Variants in MYH7 observed in about 807,000 individuals in gnomAD.
MYH7 encodes myosin-7.
A neutral mutation model predicts 225.4 loss-of-function variants in MYH7; 129 were observed. That is an observed-to-expected ratio of 0.57 (90% CI 0.50 to 0.66). The LOEUF is 0.66. MYH7 is among the 30% of genes least tolerant of loss of function. The probability of loss-of-function intolerance (pLI) is 0.00; values close to 1 mark genes in which losing one functional copy is unlikely to be tolerated. For missense variants in MYH7, 1,649 were observed against 2,517.0 expected, an observed-to-expected ratio of 0.66 and a Z score of 7.38; for synonymous variants, 971 against 1,007.6, an observed-to-expected ratio of 0.96 and a Z score of 0.69.
intron 15 of MYH7, 105 bp downstream of exon 15, chr14:23,428,395 C>T (rs1259401589): frequency 2.0e-5 from 31 of 1,557,824 alleles, no homozygotes; most frequent in Admixed American, 1.9e-4. Context: ...TCCTTCAGCC[C>T]CTTCTATTTT....
At chr14:23,413,709 G>A in intron 39 of MYH7, 50 bp downstream of exon 39, 1 of 1,611,946 alleles carries the variant, frequency 6.2e-7, no homozygotes, top group Non-Finnish European at 8.5e-7. Context: ...TGCTCTGTCT[G>A]GGTATGCCTG....
rs727503278 is a variant in MYH7, at chr14:23,432,714, G to T, written c.427C>A (p.Arg143=). ...GGGGCCTCGCTCCTCTTCTTGCCCC[G>T]GTAGGCAGCCACCACCTCAGGAGTG... The part of the protein sequence containing the change: ...VYTPEVVAAY[R]GKKRSEAPPH... Residue 143 remains arginine, a synonymous_variant, in exon 5 of 40, where the codon CGG becomes AGG. Coordinates refer to ENST00000355349, the MANE Select transcript of MYH7 (RefSeq NM_000257.4). 1 of 1,614,036 alleles carries T rather than the reference G, an allele frequency of 6.2e-7. No homozygotes were observed. Among genetic ancestry groups the T allele is most frequent in the African/African-American group, 1.3e-5 (1 of 74,898 alleles).
In MYH7 at chr14:23,430,884, C is replaced by T. The variant is rs45580436; in HGVS notation, c.895+17G>A. Reference sequence around the variant, plus strand: ...TGCCATGGAGATAGTTGGTCTCAGTCGGTGGCTCTGACTCACCCAGCAGCT... The same window carrying T: ...TGCCATGGAGATAGTTGGTCTCAGTTGGTGGCTCTGACTCACCCAGCAGCT... On this transcript the variant is annotated intron_variant, in intron 10 of 39. Transcript: ENST00000355349. The T allele has an allele frequency of 0.014, 22,262 of 1,586,142 alleles. 515 individuals carry two copies. The highest frequency in any genetic ancestry group is 0.083 in the East Asian group (3,704 of 44,714).
chr14:23,413,760 T>C lies in MYH7; in HGVS notation c.5789A>G (p.Lys1930Arg), dbSNP rs1892065412. ...GCAAAGCCCAAAAGAGGGACCCACCTTCGTGCCAATGTCACGGCTCTTGGC... is the reference window on the plus strand; with the variant it reads ...GCAAAGCCCAAAAGAGGGACCCACCCTCGTGCCAATGTCACGGCTCTTGGC... ...LRAKSRDIGT[K>R]GLNEE The change falls in exon 39 of 40, where the codon AAG (lysine) becomes AGG (arginine). Residue 1930 changes from lysine to arginine, a missense_variant and splice_region_variant. Transcript: ENST00000355349. 6.2e-7 allele frequency: 1 copy of C among 1,614,000 alleles called. No homozygotes were observed. Among genetic ancestry groups the C allele is most frequent in the Non-Finnish European group, 8.5e-7 (1 of 1,180,026 alleles).
rs761162402 is a variant in MYH7 at position 23,415,025 on chromosome 14, G to A, written c.5529C>T (p.Ser1843=). The A allele has an allele frequency of 5.0e-6, 8 of 1,610,550 alleles. No homozygotes were observed. In the Admixed American group the frequency reaches 8.3e-5, roughly 17 times the overall value. ...NAESVKGMRK[S]ERRIKELTYQ... is the part of the protein sequence containing the mutation. ...AGGTGAGCTCCTTGATGCGCCGCTC[G>A]CTCTTCCTCATGCCCTTCACCGACT... Residue 1843 remains serine (S), a synonymous_variant, in exon 37 of 40, where the codon AGC becomes AGT. Coordinates refer to ENST00000355349, the MANE Select transcript of MYH7 (RefSeq NM_000257.4). This position sits in a 1 kb window ranked among gnomAD's most constrained non-coding sequence, Gnocchi z 6.3.
rs898225933 is a variant in MYH7 at position 23,422,155 on chromosome 14, G to A, written c.3245+25C>T. On this transcript the variant is annotated intron_variant, in intron 25 of 39. Coordinates refer to ENST00000355349, the MANE Select transcript of MYH7 (RefSeq NM_000257.4). ...ACTGTTATGGGCTGGGGAGGAGGAA[G>A]GGCAGCAGGGAGGGGACACAGTACT... 1.9e-6 allele frequency: 3 copies of A among 1,611,678 alleles called. No homozygotes were observed. The Admixed American group carries it at 5.0e-5, about 27-fold the overall frequency.
chr14:23,417,016 G>A (rs373325593), intron 32 of MYH7, 24 bp from the exon 33 acceptor site: 40 of 1,614,060 alleles, frequency 2.5e-5, no homozygotes, highest in Middle Eastern at 1.6e-4. Context: ...ACGGTAACTC[G>A]GTTGAGGGCT....
chr14:23,416,119 C>G lies in MYH7; in HGVS notation c.4838G>C (p.Arg1613Thr). 1.2e-6 allele frequency: 2 copies of G among 1,614,236 alleles called. No homozygotes were observed. Among genetic ancestry groups the G allele is most frequent in the South Asian group, 1.1e-5 (1 of 91,088 alleles). The part of the protein sequence containing the change: ...AETRSRNEAL[R>T]VKKKMEGDLN... Reference sequence around the variant, plus strand: ...GTCTCCTTCCATCTTCTTCTTCACCCTCAGGGCCTCGTTGCGGCTGCGTGT... The same window carrying G: ...GTCTCCTTCCATCTTCTTCTTCACCGTCAGGGCCTCGTTGCGGCTGCGTGT... Residue 1613 changes from arginine to threonine, a missense_variant, in exon 34 of 40, where the codon AGG (arginine) becomes ACG (threonine). Transcript: ENST00000355349.
Position 23,425,501 on chromosome 14 carries a change from A to C in MYH7, c.2287-83T>G. On this transcript the variant is annotated intron_variant, in intron 20 of 39. Transcript: ENST00000355349. The surrounding 1 kb of genome is among the most constrained non-coding windows in gnomAD (Gnocchi z 4.6). ...TGGGGATTACCTTAGGAAGGGTAAC[A>C]GCCTAGAAAAGGATTGCAGGGAGGA... 1 of 1,605,662 alleles carries C rather than the reference A, an allele frequency of 6.2e-7. No homozygotes were observed. The highest frequency in any genetic ancestry group is 2.2e-5 in the East Asian group (1 of 44,770).
intron 30 of MYH7, 127 bp downstream of exon 30, chr14:23,418,083 G>A (rs754172412): frequency 2.9e-6 from 4 of 1,394,010 alleles, no homozygotes; most frequent in Non-Finnish European, 3.1e-6. Flanking sequence ...TGGGGCCGGG[G>A]CAGAGTCCTC....
At position 23,415,988 on chromosome 14, in the gene MYH7, C is replaced by G. The variant is rs2138641398; in HGVS notation, c.4953+16G>C. 6.2e-7 allele frequency: 1 copy of G among 1,614,106 alleles called. No individual in the cohort carries two copies. The highest frequency in any genetic ancestry group is 1.1e-5 in the South Asian group (1 of 91,084). On this transcript the variant is annotated intron_variant, in intron 34 of 39. Transcript: ENST00000355349. This position sits in a 1 kb window ranked among gnomAD's most constrained non-coding sequence, Gnocchi z 6.3. The stretch of plus-strand genomic sequence containing the variant: ...TCGCCAGGCCACGTGGAGGCCAGTC[C>G]CCTCTGGGTGAGTACCTTCAACAAG...
rs183245129 is a variant in MYH7 at position 23,433,757 on chromosome 14, C to G, written c.-8-17G>C. On this transcript the variant is annotated splice_polypyrimidine_tract_variant and intron_variant, in intron 2 of 39. Transcript: ENST00000355349. This position sits in a 1 kb window ranked among gnomAD's most constrained non-coding sequence, Gnocchi z 4.1. ...TGGCTGTGCCTGGAGTGAGCAGAAG[C>G]TGGCTGCCCTCCCATCTGCCCATTC... is the stretch of plus-strand genomic sequence containing the variant. 6.2e-7 allele frequency: 1 copy of G among 1,612,422 alleles called. No individual in the cohort carries two copies. Among genetic ancestry groups the G allele is most frequent in the Non-Finnish European group, 8.5e-7 (1 of 1,179,544 alleles).
Position 23,418,277 on chromosome 14 carries a change from C to T in MYH7, c.4102G>A (p.Val1368Met), listed in dbSNP as rs771892152. 3.7e-6 allele frequency: 6 copies of T among 1,613,676 alleles called. No homozygotes were observed. The South Asian group carries it at 5.5e-5, about 15-fold the overall frequency. The change falls in exon 30 of 40, where the codon GTG (valine) becomes ATG (methionine). Residue 1368 changes from valine to methionine, a missense_variant. Transcript: ENST00000355349. ...QRVLSKANSE[V>M]AQWRTKYETD... ...TCATACTTGGTCCTCCACTGGGCCA[C>T]CTCCGAGTTGGCCTTGGAAAGGACG...
At chr14:23,422,717 G>A (rs1357063708) in intron 24 of MYH7, among the ~76,000 whole-genome samples, 6 of 136,066 alleles carry the variant, frequency 4.4e-5, no homozygotes, top group Admixed American at 8.0e-5. Context: ...TGCAACCTCC[G>A]CCTCCCTGGT....
chr14:23,418,464 C>A (rs1482575168), intron 29 of MYH7, 58 bp from the exon 30 acceptor site: 4 of 1,528,232 alleles, frequency 2.6e-6, no homozygotes, highest in Non-Finnish European at 3.5e-6. Flanking sequence ...GCAACCCCAC[C>A]CTTGCCCTTC....
chr14:23,430,193 TTGCTTCC>T (rs1270306373), intron 11 of MYH7, among the ~76,000 whole-genome samples: 1 of 152,182 alleles, frequency 6.6e-6, no homozygotes, highest in Non-Finnish European at 1.5e-5. Context: ...GGCCCTACAC[TTGCTTCC>T]TGCCTGGCCT....
At chr14:23,421,624 A>G in intron 25 of MYH7, 1 of 448,450 alleles carries the variant, frequency 2.2e-6, no homozygotes, top group Non-Finnish European at 2.9e-6. Flanking sequence ...AGCCTGAAAC[A>G]CCATAAGACC....
Position 23,420,214 on chromosome 14 carries a change from C to G in MYH7, c.3357G>C (p.Glu1119Asp), listed in dbSNP as rs2138654648. 6.2e-7 allele frequency: 1 copy of G among 1,609,102 alleles called. No individual in the cohort carries two copies. Among genetic ancestry groups the G allele is most frequent in the Non-Finnish European group, 8.5e-7 (1 of 1,178,722 alleles). ...CGGTGCGCTCGGCCTCCAGCTCCTC[C>G]TCCAGCTCCTCGATGCGTGCCTGGT... Reference protein sequence around the residue: ...KELQARIEELEEELEAERTAR... With the variant: ...KELQARIEELDEELEAERTAR... Residue 1119 changes from glutamate to aspartate, a missense_variant, in exon 27 of 40, where the codon GAG becomes GAC. Physicochemically the swap from Glu to Asp is conservative, Grantham distance 45 (BLOSUM62 2). Around this residue, in one of 12 missense-constraint regions of MYH7, gnomAD observed 106 missense variants for 198.8 expected, o/e 0.53. Coordinates refer to ENST00000355349, the MANE Select transcript of MYH7 (RefSeq NM_000257.4).
At chr14:23,423,221 T>C (rs763916866) in intron 24 of MYH7, among the ~76,000 whole-genome samples, 2 of 152,150 alleles carry the variant, frequency 1.3e-5, no homozygotes, top group Admixed American at 6.5e-5. Context: ...TCTTATGAGA[T>C]GACCCTCTAA....
Sources: allele counts gnomAD v4.1 joint callset (sites outside exome capture counted in the v4.1 genomes callset), GRCh38; gene constraint gnomAD v4.1.1; regional missense constraint gnomAD v4.1.1; non-coding constraint Gnocchi (gnomAD v3.1); transcripts MANE v1.5; gene names NCBI Gene and HGNC (gene_info 2026-07-23, HGNC 2026-07-21).